Variants in MACROD2 observed in about 807,000 individuals in gnomAD.
MACROD2 encodes ADP-ribose glycohydrolase MACROD2.
In MACROD2, 36 loss-of-function variants were observed where a neutral mutation model predicts 70.4. That is an observed-to-expected ratio of 0.51 (90% CI 0.39 to 0.68). MACROD2 has a LOEUF of 0.68. Among genes scored for constraint, MACROD2 ranks in the 30% least tolerant of loss-of-function variants. The pLI is 0.00. For synonymous variants in MACROD2, 172 were observed against 178.8 expected (o/e 0.96, Z 0.30); for missense variants, 496 against 538.4 (o/e 0.92, Z 0.78).
At chr20:15,165,796 A>G (rs2076379691) in intron 5 of MACROD2, among the ~76,000 whole-genome samples, 1 of 152,202 alleles carries the variant, frequency 6.6e-6, no homozygotes, top group African/African-American at 2.4e-5. Context: ...GTGTAAGAAT[A>G]TAAGGGTTTT....
chr20:14,760,850 G>A (rs946816498), intron 5 of MACROD2, among the ~76,000 whole-genome samples: 3 of 152,046 alleles, frequency 2.0e-5, no homozygotes, highest in African/African-American at 4.8e-5. Context: ...AACCTCAGCT[G>A]TTCAAAATCG....
At chr20:15,876,831 T>C (rs1338837448) in intron 9 of MACROD2, among the ~76,000 whole-genome samples, 1 of 152,132 alleles carries the variant, frequency 6.6e-6, no homozygotes, top group African/African-American at 2.4e-5. Context: ...TGATATCTCA[T>C]TGTGGTTTTG....
Position 15,650,148 on chromosome 20 carries a change from T to G in MACROD2, c.645+150301T>G, listed in dbSNP as rs561315300. 2.6e-5 allele frequency among the ~76,000 whole-genome samples: 4 copies of G among 152,296 alleles called. No individual in the cohort carries two copies. In the South Asian group the frequency reaches 8.3e-4, roughly 32 times the overall value. ...TGGGGAAGGACTTGCTGCTTCTGGT[T>G]TGTATAAAGGAATTAAGTAGGGAAT... On this transcript the variant is annotated intron_variant, in intron 8 of 17. Transcript: ENST00000684519.
chr20:16,032,073 T>A (rs1285913552), intron 15 of MACROD2, among the ~76,000 whole-genome samples: 1 of 152,176 alleles, frequency 6.6e-6, no homozygotes, highest in Non-Finnish European at 1.5e-5. Flanking sequence ...TGTTGTTTTT[T>A]AATGTCACTA....
In MACROD2 at chr20:14,581,461, T is replaced by C. The variant is rs1364089878; in HGVS notation, c.301+87953T>C. On this transcript the variant is annotated intron_variant, in intron 4 of 17. Coordinates refer to ENST00000684519, the MANE Select transcript of MACROD2 (RefSeq NM_001351661.2). ...GTATTATTTATTTTTCTTGGCCTTTTAAAAAACACACTGTAGCATGACTTC... is the reference window on the plus strand; with the variant it reads ...GTATTATTTATTTTTCTTGGCCTTTCAAAAAACACACTGTAGCATGACTTC... 2.0e-5 allele frequency among the ~76,000 whole-genome samples: 3 copies of C among 152,188 alleles called. No homozygotes were observed. In the South Asian group the frequency reaches 6.2e-4, roughly 31 times the overall value.
chr20:14,958,242 C>T (rs1173216329), intron 5 of MACROD2, among the ~76,000 whole-genome samples: 1 of 152,190 alleles, frequency 6.6e-6, no homozygotes, highest in Non-Finnish European at 1.5e-5. Flanking sequence ...CAGTATTTTT[C>T]TATAAATGAC....
At chr20:14,824,785 G>A (rs1485702309) in intron 5 of MACROD2, among the ~76,000 whole-genome samples, 1 of 152,040 alleles carries the variant, frequency 6.6e-6, no homozygotes, top group Non-Finnish European at 1.5e-5. Flanking sequence ...AATACCAGGA[G>A]GTGTGGTTCT....
At chr20:15,519,612 A>G (rs1285433927) in intron 8 of MACROD2, among the ~76,000 whole-genome samples, 1 of 152,254 alleles carries the variant, frequency 6.6e-6, no homozygotes, top group Non-Finnish European at 1.5e-5. Context: ...AGAATCTGTA[A>G]GATAAATAAG....
chr20:14,487,405 A>G (rs2084748085), intron 3 of MACROD2, among the ~76,000 whole-genome samples: 1 of 152,200 alleles, frequency 6.6e-6, no homozygotes. Context: ...AAACTCCAAG[A>G]GTTTAATTTG....
chr20:15,228,779 C>T (rs1297198111), intron 5 of MACROD2, among the ~76,000 whole-genome samples: 2 of 152,058 alleles, frequency 1.3e-5, no homozygotes, highest in Admixed American at 1.3e-4. Context: ...TGGTCCACTG[C>T]ACCTGGCGAG....
chr20:14,063,295 A>G (rs1297472795), intron 2 of MACROD2, among the ~76,000 whole-genome samples: 1 of 152,198 alleles, frequency 6.6e-6, no homozygotes. Flanking sequence ...ATTTCTTTAT[A>G]GGGGAATGTT....
chr20:14,682,499 T>C lies in MACROD2; in HGVS notation c.302-2344T>C, dbSNP rs189537000. ...CATATATATGTATATTCAGTACATA[T>C]ATATATGTACGTGTGTGTATATAAT... On this transcript the variant is annotated intron_variant, in intron 4 of 17. Transcript: ENST00000684519. 2.1e-3 allele frequency among the ~76,000 whole-genome samples: 324 copies of C among 151,746 alleles called. 1 individual carries two copies. The highest frequency in any genetic ancestry group is 0.01 in the Middle Eastern group (3 of 292).
intron 3 of MACROD2, among the ~76,000 whole-genome samples, chr20:14,205,533 C>T (rs1052444832): frequency 2.0e-5 from 3 of 152,310 alleles, no homozygotes; most frequent in Non-Finnish European, 4.4e-5. Context: ...CCTTCCGGTG[C>T]GCATGCGGGC....
intron 3 of MACROD2, among the ~76,000 whole-genome samples, chr20:14,310,163 C>A (rs2082554026): frequency 3.9e-5 from 6 of 152,066 alleles, no homozygotes; most frequent in Admixed American, 3.9e-4. Context: ...AATGATTATA[C>A]CCTTTAATTT....
At chr20:15,052,002 C>T (rs370057579) in intron 5 of MACROD2, among the ~76,000 whole-genome samples, 60 of 152,248 alleles carry the variant, frequency 3.9e-4, no homozygotes, top group African/African-American at 1.3e-3. Flanking sequence ...CCGCCCGTCC[C>T]GGCCTTCCAA....
intron 7 of MACROD2, among the ~76,000 whole-genome samples, chr20:15,496,018 A>G (rs1034682651): frequency 4.6e-5 from 7 of 152,226 alleles, no homozygotes; most frequent in African/African-American, 1.7e-4. Flanking sequence ...AAAGAAGGCC[A>G]GTGTCGTTGC....
intron 5 of MACROD2, among the ~76,000 whole-genome samples, chr20:15,206,541 G>A (rs1330944861): frequency 2.0e-5 from 3 of 151,668 alleles, no homozygotes; most frequent in Non-Finnish European, 4.4e-5. Flanking sequence ...TTTATATTAA[G>A]TAATTTTTAT....
At chr20:14,892,317 C>CA (rs1233080442) in intron 5 of MACROD2, among the ~76,000 whole-genome samples, 1 of 151,410 alleles carries the variant, frequency 6.6e-6, no homozygotes. Context: ...ACTAAAAATT[C>CA]AAAAAAAATT....
chr20:14,023,347 G>A (rs1432891511), intron 2 of MACROD2, among the ~76,000 whole-genome samples: 2 of 152,192 alleles, frequency 1.3e-5, no homozygotes, highest in Admixed American at 6.5e-5. Context: ...CATTCTGTAG[G>A]TTGTCTGTTC....
Sources: gnomAD v4.1 joint callset for allele counts (sites outside exome capture counted in the v4.1 genomes callset) on GRCh38, gnomAD v4.1.1 for gene constraint, MANE v1.5 for transcripts, NCBI Gene and HGNC (gene_info 2026-07-23, HGNC 2026-07-21) for gene names.